The following FNIP1 variants were observed in gnomAD, a reference collection of about 807,000 sequenced individuals.
The protein encoded by FNIP1 is folliculin interacting protein 1, also known as folliculin-interacting protein 1.
In FNIP1, 40 loss-of-function variants were observed where a neutral mutation model predicts 124.5. That is an observed-to-expected ratio of 0.32 (90% CI 0.25 to 0.42). The LOEUF (loss-of-function observed/expected upper bound fraction) is 0.42, where lower values mean the gene tolerates loss of function less well. Among genes scored for constraint, FNIP1 ranks in the 10% least tolerant of loss-of-function variants. FNIP1 has a pLI of 1.00. For synonymous variants in FNIP1, 472 were observed against 470.6 expected, an observed-to-expected ratio of 1.00 and a Z score of -0.04; for missense variants, 1,176 against 1,403.7, an observed-to-expected ratio of 0.84 and a Z score of 2.59.
At position 131,782,470 on chromosome 5, in the gene FNIP1, G is replaced by A. The variant is rs1328706217; in HGVS notation, c.92+14360C>T. Among the ~76,000 whole-genome samples, 3 of 152,168 alleles carry A rather than the reference G, an allele frequency of 2.0e-5. No homozygotes were observed. The South Asian group carries it at 6.2e-4, about 32-fold the overall frequency. ...TGTAGTCTCAGCTACTCAGGAGGCT[G>A]ACGTGGGAGGCTTGAGCCCGCGAGG... is the stretch of plus-strand genomic sequence containing the variant. On this transcript the variant is annotated intron_variant, in intron 1 of 17. Coordinates refer to ENST00000510461, the MANE Select transcript of FNIP1 (RefSeq NM_133372.3).
At chr5:131,658,540 A>T (rs962964722) in intron 15 of FNIP1, among the ~76,000 whole-genome samples, 2 of 152,066 alleles carry the variant, frequency 1.3e-5, no homozygotes, top group Non-Finnish European at 2.9e-5. Context: ...GCCTTCATAC[A>T]TCTCAAGTTG....
At chr5:131,721,027 T>A (rs1213150086) in intron 3 of FNIP1, among the ~76,000 whole-genome samples, 1 of 152,198 alleles carries the variant, frequency 6.6e-6, no homozygotes, top group Non-Finnish European at 1.5e-5. Flanking sequence ...ATGTTAGCAC[T>A]CCTATATTCA....
At chr5:131,744,269 C>G (rs1770601951) in intron 2 of FNIP1, among the ~76,000 whole-genome samples, 1 of 151,920 alleles carries the variant, frequency 6.6e-6, no homozygotes, top group African/African-American at 2.4e-5. Context: ...CAGCCAAGTT[C>G]TGCTGAGCTG....
chr5:131,647,317 G>T (rs1766915074), intron 16 of FNIP1, 112 bp from the exon 17 acceptor site: 8 of 749,384 alleles, frequency 1.1e-5, no homozygotes, highest in Non-Finnish European at 1.8e-5. Context: ...ATTTCAATAT[G>T]AACTAAAATT....
At chr5:131,762,202 A>G (rs978993293) in intron 1 of FNIP1, among the ~76,000 whole-genome samples, 1 of 152,186 alleles carries the variant, frequency 6.6e-6, no homozygotes, top group African/African-American at 2.4e-5. Context: ...CTAGGCAAAG[A>G]TATTCTGAGA....
chr5:131,712,273 CTAGTCTT>C (rs1769319442), intron 6 of FNIP1, among the ~76,000 whole-genome samples: 2 of 152,328 alleles, frequency 1.3e-5, no homozygotes, highest in South Asian at 4.1e-4. Flanking sequence ...ATTACTACTT[CTAGTCTT>C]TAATTTCATG....
intron 2 of FNIP1, among the ~76,000 whole-genome samples, chr5:131,739,019 T>C (rs1339244145): frequency 6.6e-6 from 1 of 152,026 alleles, no homozygotes; most frequent in African/African-American, 2.4e-5. Context: ...TCTTCCTATG[T>C]TGGCCAGACT....
At chr5:131,719,689 T>G (rs1769591946) in intron 3 of FNIP1, among the ~76,000 whole-genome samples, 1 of 152,200 alleles carries the variant, frequency 6.6e-6, no homozygotes, top group Admixed American at 6.5e-5. Flanking sequence ...ACCAGTTCCC[T>G]TTACTCACGG....
At position 131,672,850 on chromosome 5, in the gene FNIP1, C is replaced by T. The variant is rs774812138; in HGVS notation, c.1594G>A (p.Val532Ile). The change falls in exon 14 of 18, where the codon GTC becomes ATC. Residue 532 changes from valine to isoleucine, a missense_variant. Val to Ile is a conservative substitution (Grantham distance 29, BLOSUM62 3). Around this residue, in one of 2 missense-constraint regions of FNIP1, gnomAD observed 1,109 missense variants for 1,288.5 expected, o/e 0.86. Transcript: ENST00000510461. ...GTAAGAAAATAAAGTAGCCTCTGGA[C>T]CATGTCTTGTCGTTTGCCAACTACC... Reference protein sequence around the residue: ...TVVVGKRQDMVQRLLYFLTYF... With the variant: ...TVVVGKRQDMIQRLLYFLTYF... 29 of 1,609,410 alleles carry T rather than the reference C, an allele frequency of 1.8e-5. No individual in the cohort carries two copies. Among genetic ancestry groups the T allele is most frequent in the Non-Finnish European group, 2.3e-5 (27 of 1,178,180 alleles).
chr5:131,708,539 A>G (rs905795647), intron 8 of FNIP1, among the ~76,000 whole-genome samples: 1 of 152,190 alleles, frequency 6.6e-6, no homozygotes, highest in Non-Finnish European at 1.5e-5. Context: ...CCTTCTGTAA[A>G]GCATTGTTGG....
intron 2 of FNIP1, among the ~76,000 whole-genome samples, chr5:131,740,889 G>C (rs924677640): frequency 6.6e-6 from 1 of 152,190 alleles, no homozygotes; most frequent in East Asian, 1.9e-4. Flanking sequence ...GGCGACAAGA[G>C]TGACCTCTGG....
intron 4 of FNIP1, 45 bp from the exon 5 acceptor site, chr5:131,719,105 T>G (rs745722094): frequency 6.5e-7 from 1 of 1,545,512 alleles, no homozygotes; most frequent in Non-Finnish European, 8.9e-7. Context: ...TAAAATATAA[T>G]GACCTTTTGG....
At chr5:131,677,638 TAA>T in intron 13 of FNIP1, 63 bp downstream of exon 13, 1 of 1,437,388 alleles carries the variant, frequency 7.0e-7, no homozygotes, top group Non-Finnish European at 9.4e-7. Context: ...GGTTTTGCTA[TAA>T]AATAATTACA....
chr5:131,667,774 G>C (rs1166111471), intron 15 of FNIP1, among the ~76,000 whole-genome samples: 1 of 152,166 alleles, frequency 6.6e-6, no homozygotes, highest in African/African-American at 2.4e-5. Flanking sequence ...TTTTTGTAGA[G>C]GCAGGGTTTC....
At chr5:131,718,354 C>T (rs2149541809) in intron 5 of FNIP1, among the ~76,000 whole-genome samples, 1 of 152,286 alleles carries the variant, frequency 6.6e-6, no homozygotes, top group Admixed American at 6.5e-5. Flanking sequence ...CTGCCTTTGA[C>T]CTTGGGTTAC....
intron 3 of FNIP1, among the ~76,000 whole-genome samples, 154 bp from the exon 4 acceptor site, chr5:131,719,571 C>T (rs1769587315): frequency 6.6e-6 from 1 of 152,156 alleles, no homozygotes; most frequent in South Asian, 2.1e-4. Flanking sequence ...GATTTTCTTC[C>T]TTTTAAAATG....
intron 15 of FNIP1, among the ~76,000 whole-genome samples, chr5:131,658,038 C>T (rs1485958245): frequency 1.6e-5 from 2 of 126,928 alleles, no homozygotes; most frequent in African/African-American, 6.5e-5. Flanking sequence ...AAGACTCCAT[C>T]TCAAAAAAAA....
rs144057252 is a variant in FNIP1, at chr5:131,671,747, G to A, written c.2697C>T (p.Cys899=). The stretch of plus-strand genomic sequence containing the variant: ...TATCTCTTTGGTCCTGCTGAGGAAA[G>A]CAGGTTTTACATGAATCTTGGGGAA... The part of the protein sequence containing the change: ...ETVPQDSCKT[C]FPQQDQRDTL... The change falls in exon 14 of 18, where the codon TGC becomes TGT. Residue 899 remains cysteine, a synonymous_variant. Transcript: ENST00000510461. 156 of 1,614,040 alleles carry A rather than the reference G, an allele frequency of 9.7e-5. No homozygotes were observed. In the African/African-American group the frequency reaches 2.0e-3, roughly 21 times the overall value.
intron 1 of FNIP1, among the ~76,000 whole-genome samples, chr5:131,773,067 C>G (rs1027367949): frequency 6.6e-6 from 1 of 152,140 alleles, no homozygotes; most frequent in African/African-American, 2.4e-5. Flanking sequence ...CTTCCTGATG[C>G]TATTCCTATG....
Sources: gnomAD v4.1 joint callset for allele counts (sites outside exome capture counted in the v4.1 genomes callset) on GRCh38, gnomAD v4.1.1 for gene constraint, gnomAD v4.1.1 regional missense constraint, MANE v1.5 for transcripts, NCBI Gene and HGNC (gene_info 2026-07-23, HGNC 2026-07-21) for gene names.